NUDT6: variants seen among roughly 807,000 people sequenced by gnomAD.
NUDT6 encodes FAD diphosphatase NUDT6.
NUDT6 carries 24 observed loss-of-function variants against 36.8 expected under a neutral mutation model. The observed-to-expected ratio is 0.65, with a 90% CI of 0.47 to 0.92. The LOEUF is 0.92. NUDT6 is among the 40% of genes least tolerant of loss of function. NUDT6 has a pLI of 0.00. For missense variants in NUDT6, 388 were observed against 392.8 expected (o/e 0.99, Z 0.10); for synonymous variants, 163 against 157.0 (o/e 1.04, Z -0.29).
intron 3 of NUDT6, among the ~76,000 whole-genome samples, chr4:122,907,449 C>CTTTT (rs374300011): frequency 8.0e-6 from 1 of 125,430 alleles, no homozygotes; most frequent in Non-Finnish European, 1.6e-5. Context: ...TCTTTACTTT[C>CTTTT]TTTTTTTTTT....
chr4:122,896,931 C>G (rs2150798356), intron 4 of NUDT6: 1 of 152,146 alleles, frequency 6.6e-6, no homozygotes, highest in South Asian at 2.1e-4. Context: ...GAATTTGATC[C>G]AATAGTTTAA....
At chr4:122,913,595 T>A (rs1727772823) in intron 2 of NUDT6, among the ~76,000 whole-genome samples, 1 of 152,342 alleles carries the variant, frequency 6.6e-6, no homozygotes, top group East Asian at 1.9e-4. Flanking sequence ...ATCTCAAATA[T>A]CTCAATATTC....
intron 4 of NUDT6, 73 bp from the exon 5 acceptor site, chr4:122,893,298 T>G: frequency 1.4e-6 from 2 of 1,418,458 alleles, no homozygotes; most frequent in Non-Finnish European, 1.9e-6. Context: ...AGATTTTCAG[T>G]TAAAGTAGCA....
At chr4:122,901,394 T>C (rs1727521461) in intron 3 of NUDT6, among the ~76,000 whole-genome samples, 1 of 152,214 alleles carries the variant, frequency 6.6e-6, no homozygotes, top group Admixed American at 6.5e-5. Flanking sequence ...TATTTTGGAA[T>C]GGTGAATGGT....
At chr4:122,907,985 C>A (rs1727655119) in intron 3 of NUDT6, among the ~76,000 whole-genome samples, 1 of 152,156 alleles carries the variant, frequency 6.6e-6, no homozygotes, top group Admixed American at 6.5e-5. Context: ...TTGGGAATAT[C>A]TCTCCAATTC....
At chr4:122,915,392 C>G (rs1044754519) in intron 2 of NUDT6, among the ~76,000 whole-genome samples, 3 of 141,784 alleles carry the variant, frequency 2.1e-5, no homozygotes, top group Admixed American at 7.3e-5. Flanking sequence ...ATCACTTGAG[C>G]TAAAGAGGTG....
intron 4 of NUDT6, chr4:122,895,933 A>G (rs2150797345): frequency 6.5e-6 from 1 of 152,694 alleles, no homozygotes; most frequent in African/African-American, 2.4e-5. Context: ...CAGCTTCATC[A>G]TTAAGAATAT....
At chr4:122,912,692 CTCTA>C (rs1578497681) in intron 2 of NUDT6, 69 bp from the exon 3 acceptor site, 6 of 988,772 alleles carry the variant, frequency 6.1e-6, no homozygotes, top group African/African-American at 1.6e-5. Flanking sequence ...CTCCCACACT[CTCTA>C]TCTGTGGTGA....
chr4:122,914,647 G>A (rs1727794817), intron 2 of NUDT6, among the ~76,000 whole-genome samples: 1 of 152,098 alleles, frequency 6.6e-6, no homozygotes, highest in Admixed American at 6.5e-5. Flanking sequence ...AACTGGGACT[G>A]ATAGCCAGTC....
intron 3 of NUDT6, among the ~76,000 whole-genome samples, chr4:122,908,313 C>G (rs1727664862): frequency 1.3e-5 from 2 of 152,274 alleles, no homozygotes; most frequent in East Asian, 1.9e-4. Context: ...GTCACACAAC[C>G]CTGCAGGTCA....
intron 3 of NUDT6, among the ~76,000 whole-genome samples, chr4:122,907,916 C>T (rs1727653582): frequency 2.0e-5 from 3 of 152,084 alleles, no homozygotes; most frequent in Admixed American, 2.0e-4. Flanking sequence ...TGCAACTATC[C>T]CCACTCACAG....
At chr4:122,908,317 C>T (rs761514168) in intron 3 of NUDT6, among the ~76,000 whole-genome samples, 28 of 152,206 alleles carry the variant, frequency 1.8e-4, no homozygotes, top group Non-Finnish European at 3.2e-4. Context: ...CACAACCCTG[C>T]AGGTCACTCT....
intron 3 of NUDT6, among the ~76,000 whole-genome samples, chr4:122,905,104 C>T (rs1727593759): frequency 6.6e-6 from 1 of 152,132 alleles, no homozygotes; most frequent in Non-Finnish European, 1.5e-5. Flanking sequence ...TTGTCCCTGC[C>T]CATGTCCTGC....
rs758094667 is a variant in NUDT6 at position 122,922,527 on chromosome 4, G to C, written c.46C>G (p.Arg16Gly). 7 of 1,605,656 alleles carry C rather than the reference G, an allele frequency of 4.4e-6. No individual in the cohort carries two copies. In the South Asian group the frequency reaches 6.6e-5, roughly 15 times the overall value. ...GCCGAAGGCCCGGGGCCGTAGGTTC[G>C]GGCAAGCATCGCGCGCCAGCGGCCC... ...SWGRWRAMLA[R>G]TYGPGPSAGY... The change falls in exon 1 of 5, where the codon CGA becomes GGA. Residue 16 changes from arginine (R) to glycine (G), a missense_variant. By Grantham distance (125) the Arg-to-Gly change is moderately radical. Coordinates refer to ENST00000304430, the MANE Select transcript of NUDT6 (RefSeq NM_007083.5).
intron 3 of NUDT6, among the ~76,000 whole-genome samples, chr4:122,911,658 T>A (rs1231764993): frequency 2.0e-5 from 3 of 152,170 alleles, no homozygotes. Context: ...CAAACATTAA[T>A]TTAAACTTTA....
intron 3 of NUDT6, among the ~76,000 whole-genome samples, chr4:122,907,962 G>C (rs1727654543): frequency 6.6e-6 from 1 of 152,128 alleles, no homozygotes; most frequent in Admixed American, 6.5e-5. Flanking sequence ...TTTGGAAGCA[G>C]CATATATCAT....
chr4:122,917,366 T>C, intron 2 of NUDT6, 135 bp downstream of exon 2: 1 of 771,358 alleles, frequency 1.3e-6, no homozygotes, highest in South Asian at 1.7e-5. Context: ...CCTGTGCAGA[T>C]AGGGTGGAAC....
chr4:122,900,500 A>T (rs1175304507), intron 3 of NUDT6, among the ~76,000 whole-genome samples: 1 of 151,470 alleles, frequency 6.6e-6, no homozygotes, highest in African/African-American at 2.4e-5. Flanking sequence ...AAACTTCACA[A>T]TACTCCCATG....
chr4:122,897,919 G>A (rs915269110), intron 3 of NUDT6: 5 of 481,990 alleles, frequency 1.0e-5, no homozygotes, highest in Non-Finnish European at 1.9e-5. Flanking sequence ...GGTTTTGTTT[G>A]GTTAACGTGA....
Sources: gnomAD v4.1 joint callset for allele counts (sites outside exome capture counted in the v4.1 genomes callset) on GRCh38, gnomAD v4.1.1 for gene constraint, MANE v1.5 for transcripts, NCBI Gene and HGNC (gene_info 2026-07-23, HGNC 2026-07-21) for gene names.